The following GPCPD1 variants were observed in gnomAD, a reference collection of about 807,000 sequenced individuals.
GPCPD1 encodes the protein glycerophosphocholine phosphodiesterase GPCPD1.
Under a neutral mutation model 89.2 loss-of-function variants are expected in GPCPD1, and 29 were observed. The ratio of observed to expected loss-of-function variants is 0.33; its 90% CI spans 0.24 to 0.44. The LOEUF (loss-of-function observed/expected upper bound fraction) is 0.44, where lower values mean the gene tolerates loss of function less well. Among genes scored for constraint, GPCPD1 ranks in the 20% least tolerant of loss-of-function variants. GPCPD1 has a pLI of 1.00. For missense variants in GPCPD1, 594 were observed against 808.9 expected (o/e 0.73, Z 3.22); for synonymous variants, 258 against 266.3 (o/e 0.97, Z 0.30).
At chr20:5,585,759 G>GA (rs1284122473) in intron 5 of GPCPD1, 1 of 152,166 alleles carries the variant, frequency 6.6e-6, no homozygotes, top group Non-Finnish European at 1.5e-5. Context: ...AAGAAGAAAA[G>GA]AAAAAATAGA....
intron 8 of GPCPD1, among the ~76,000 whole-genome samples, chr20:5,576,281 A>G (rs1185627976): frequency 3.9e-5 from 6 of 151,974 alleles, no homozygotes; most frequent in Admixed American, 3.9e-4. Context: ...TTAGCCGGGG[A>G]TGGTGGCGCA....
At chr20:5,575,762 C>A in intron 9 of GPCPD1, 54 bp downstream of exon 9, 1 of 1,175,914 alleles carries the variant, frequency 8.5e-7, no homozygotes, top group Admixed American at 2.1e-5. Flanking sequence ...TAATTTGAAA[C>A]TAATTAAAAT....
At chr20:5,549,115 T>G (rs562516182) in intron 19 of GPCPD1, 68 of 649,728 alleles carry the variant, frequency 1.0e-4, no homozygotes, top group South Asian at 9.4e-4. Context: ...TTTTTAAGGA[T>G]GGTGTTGAGC....
At chr20:5,569,370 G>A (rs1354458886) in intron 12 of GPCPD1, among the ~76,000 whole-genome samples, 2 of 152,108 alleles carry the variant, frequency 1.3e-5, no homozygotes, top group African/African-American at 4.8e-5. Flanking sequence ...TAGAGTCTAA[G>A]TCCCCGAGAA....
chr20:5,579,886 T>C (rs1978339562), intron 7 of GPCPD1, 122 bp downstream of exon 7: 2 of 603,708 alleles, frequency 3.3e-6, no homozygotes, highest in Admixed American at 2.8e-5. Context: ...CAAAGCCCTG[T>C]AGTTACTAGA....
intron 6 of GPCPD1, among the ~76,000 whole-genome samples, chr20:5,581,813 A>ATTTTTT (rs1568664434): frequency 2.4e-5 from 2 of 82,804 alleles, no homozygotes; most frequent in African/African-American, 1.3e-4. Context: ...TGGGACTTTA[A>ATTTTTT]CTTTTTTTTT....
At chr20:5,549,486 A>C in intron 19 of GPCPD1, 1 of 1,193,928 alleles carries the variant, frequency 8.4e-7, no homozygotes, top group Non-Finnish European at 1.2e-6. Flanking sequence ...GTTTAAGAAG[A>C]CACCTTCTGA....
At chr20:5,595,677 C>T (rs1468035301) in intron 3 of GPCPD1, among the ~76,000 whole-genome samples, 22 of 152,096 alleles carry the variant, frequency 1.4e-4, no homozygotes, top group Admixed American at 1.4e-3. Flanking sequence ...AAAAGAATAG[C>T]AAATGCTTGA....
At chr20:5,580,473 C>T (rs1978382038) in intron 6 of GPCPD1, among the ~76,000 whole-genome samples, 1 of 152,110 alleles carries the variant, frequency 6.6e-6, no homozygotes, top group Admixed American at 6.5e-5. Context: ...CGCCTGTAAT[C>T]CCAGCACTTT....
rs116409580 is a variant in GPCPD1 at position 5,560,933 on chromosome 20, G to A, written c.1395+532C>T. Among the ~76,000 whole-genome samples, 555 of 152,268 alleles carry A rather than the reference G, an allele frequency of 3.6e-3. 2 individuals carry two copies. The highest frequency in any genetic ancestry group is 0.012 in the African/African-American group (509 of 41,556). ...TGAAATATAAGTCCCAGGAAGACAA[G>A]GCCTTATTCTCTTTTGTGGACTACT... On this transcript the variant is annotated intron_variant, in intron 16 of 19. Transcript: ENST00000379019.
chr20:5,584,224 G>T, intron 6 of GPCPD1, 57 bp downstream of exon 6: 1 of 828,428 alleles, frequency 1.2e-6, no homozygotes, highest in Non-Finnish European at 2.1e-6. Flanking sequence ...CCAGTGAAAT[G>T]TAAAGTAACA....
At chr20:5,597,102 A>C (rs952235958) in intron 3 of GPCPD1, among the ~76,000 whole-genome samples, 6 of 152,210 alleles carry the variant, frequency 3.9e-5, no homozygotes, top group African/African-American at 1.4e-4. Flanking sequence ...AGGAAATACT[A>C]GTCTGTGAAA....
At chr20:5,561,680 T>A (rs1336369840) in intron 15 of GPCPD1, 150 bp from the exon 16 acceptor site, 1 of 539,746 alleles carries the variant, frequency 1.9e-6, no homozygotes, top group Non-Finnish European at 3.3e-6. Context: ...ACATATTTTG[T>A]CATACTCAAA....
chr20:5,576,386 C>T (rs1438279384), intron 8 of GPCPD1, among the ~76,000 whole-genome samples: 1 of 141,976 alleles, frequency 7.0e-6, no homozygotes, highest in East Asian at 2.1e-4. Flanking sequence ...TACCACTGCA[C>T]TCCAGCCTGG....
At chr20:5,588,989 G>T (rs1011828006) in intron 4 of GPCPD1, among the ~76,000 whole-genome samples, 6 of 152,198 alleles carry the variant, frequency 3.9e-5, no homozygotes, top group African/African-American at 1.4e-4. Context: ...AATCAAGTAA[G>T]AATAATCCTT....
chr20:5,591,372 A>T (rs965400644), intron 4 of GPCPD1, among the ~76,000 whole-genome samples: 17 of 152,334 alleles, frequency 1.1e-4, no homozygotes, highest in African/African-American at 3.8e-4. Flanking sequence ...CAATGAAAGG[A>T]TCTAAAAATC....
chr20:5,600,592 G>A (rs979575557), intron 2 of GPCPD1, among the ~76,000 whole-genome samples: 6 of 152,198 alleles, frequency 3.9e-5, no homozygotes, highest in African/African-American at 1.4e-4. Context: ...CCAGCACTTT[G>A]GGAGGCCAAG....
intron 4 of GPCPD1, among the ~76,000 whole-genome samples, chr20:5,587,057 C>T (rs1033318232): frequency 3.9e-5 from 6 of 152,096 alleles, no homozygotes; most frequent in Non-Finnish European, 5.9e-5. Flanking sequence ...ATAACATATG[C>T]GGTAGTGAGT....
intron 11 of GPCPD1, among the ~76,000 whole-genome samples, chr20:5,572,335 C>G (rs1480430547): frequency 6.6e-6 from 1 of 152,096 alleles, no homozygotes; most frequent in Non-Finnish European, 1.5e-5. Context: ...ATAAAACAAT[C>G]TACTAACATT....
Sources: gnomAD v4.1 joint callset for allele counts (sites outside exome capture counted in the v4.1 genomes callset) on GRCh38, gnomAD v4.1.1 for gene constraint, MANE v1.5 for transcripts, NCBI Gene and HGNC (gene_info 2026-07-23, HGNC 2026-07-21) for gene names.